Variants in BNC2 observed in about 807,000 individuals in gnomAD.
BNC2 encodes zinc finger protein basonuclin-2.
BNC2 carries 20 observed loss-of-function variants against 76.3 expected under a neutral mutation model. The ratio of observed to expected loss-of-function variants is 0.26; its 90% CI spans 0.18 to 0.38. BNC2 has a LOEUF of 0.38. Ranked by LOEUF, BNC2 falls within the 10% of genes least tolerant of loss-of-function variation. The pLI, the probability that BNC2 is intolerant of heterozygous loss-of-function variation, is 1.00. For synonymous variants in BNC2, 582 were observed against 514.8 expected, an observed-to-expected ratio of 1.13 and a Z score of -1.77; for missense variants, 1,382 against 1,399.8, an observed-to-expected ratio of 0.99 and a Z score of 0.20.
At position 16,411,754 on chromosome 9, in the gene BNC2, C is replaced by T. The variant is rs376758317; in HGVS notation, c.*7235G>A. 9 of 152,684 alleles carry T rather than the reference C, an allele frequency of 5.9e-5. No homozygotes were observed. Among genetic ancestry groups the T allele is most frequent in the South Asian group, 4.1e-4 (2 of 4,820 alleles). The allele number at this position is 152,684 out of a possible 1,614,324, so 9.5% of individuals were successfully genotyped here. A position where few individuals can be genotyped will look rare whatever the true frequency, so the allele number is the denominator to read the frequency against. On this transcript the variant is annotated 3_prime_UTR_variant, in exon 7 of 7. Transcript: ENST00000380672. ...GTCTATCCCTAAATCTGCTGCTGTT[C>T]TCTCCTTGCTAAAGTTCATATGGAA...
At chr9:16,700,059 T>C (rs1203719848) in intron 3 of BNC2, among the ~76,000 whole-genome samples, 3 of 152,206 alleles carry the variant, frequency 2.0e-5, no homozygotes, top group Non-Finnish European at 2.9e-5. Context: ...TATGCCTGTA[T>C]GATATGTATA....
At chr9:16,745,716 T>C (rs1824981022) in intron 1 of BNC2, among the ~76,000 whole-genome samples, 1 of 152,172 alleles carries the variant, frequency 6.6e-6, no homozygotes. Context: ...CTGATAAAAA[T>C]AACACTGAAT....
In BNC2 at chr9:16,641,152, C is replaced by T. The variant is rs542969127; in HGVS notation, c.331-58067G>A. On this transcript the variant is annotated intron_variant, in intron 3 of 6. Coordinates refer to ENST00000380672, the MANE Select transcript of BNC2 (RefSeq NM_017637.6). ...TGTAGAAATCATTACCAGAAAAGTT[C>T]ATTCTCAAAGAAAGACCACTGATTA... 2.2e-4 allele frequency among the ~76,000 whole-genome samples: 33 copies of T among 152,282 alleles called. 1 individual carries two copies. The highest frequency in any genetic ancestry group is 7.9e-4 in the African/African-American group (33 of 41,574).
chr9:16,776,373 C>A (rs1359164599), intron 1 of BNC2, among the ~76,000 whole-genome samples: 1 of 152,084 alleles, frequency 6.6e-6, no homozygotes, highest in Non-Finnish European at 1.5e-5. Flanking sequence ...CCTCTGAGCT[C>A]AGGCAAGCTG....
chr9:16,681,933 G>A (rs1055895267), intron 3 of BNC2, among the ~76,000 whole-genome samples: 9 of 151,914 alleles, frequency 5.9e-5, no homozygotes, highest in Admixed American at 2.0e-4. Context: ...TTGGGGGACC[G>A]GTGCGCTGGT....
At chr9:16,859,670 T>C (rs957571081) in intron 1 of BNC2, among the ~76,000 whole-genome samples, 7 of 152,156 alleles carry the variant, frequency 4.6e-5, no homozygotes, top group African/African-American at 1.7e-4. Flanking sequence ...CTCTTAGAAA[T>C]AGAAGCTAGA....
intron 1 of BNC2, among the ~76,000 whole-genome samples, chr9:16,794,501 C>T (rs1250251251): frequency 6.6e-6 from 1 of 152,144 alleles, no homozygotes; most frequent in Non-Finnish European, 1.5e-5. Flanking sequence ...CTCAATTATT[C>T]TAAAAGATCC....
intron 1 of BNC2, among the ~76,000 whole-genome samples, chr9:16,836,907 T>C (rs1261348581): frequency 6.6e-6 from 1 of 152,172 alleles, no homozygotes; most frequent in Non-Finnish European, 1.5e-5. Flanking sequence ...AGGCCACTTA[T>C]ATTAACAGTG....
chr9:16,711,170 G>T (rs76974599), intron 3 of BNC2, among the ~76,000 whole-genome samples: 9,668 of 152,098 alleles, frequency 0.064, 817 homozygotes, highest in African/African-American at 0.2. Context: ...AAAGAGAAAC[G>T]CAAGAGCAAA....
chr9:16,535,010 T>G (rs1282850256), intron 5 of BNC2, among the ~76,000 whole-genome samples: 1 of 152,178 alleles, frequency 6.6e-6, no homozygotes, highest in Non-Finnish European at 1.5e-5. Context: ...TGTAGATCTG[T>G]AGATAATAAA....
intron 5 of BNC2, among the ~76,000 whole-genome samples, chr9:16,529,555 T>A (rs1421547738): frequency 6.6e-6 from 1 of 152,224 alleles, no homozygotes; most frequent in Non-Finnish European, 1.5e-5. Flanking sequence ...TATTTTGACA[T>A]CTTCCCAAAT....
intron 3 of BNC2, among the ~76,000 whole-genome samples, chr9:16,689,794 G>C (rs1207541623): frequency 6.6e-6 from 1 of 152,104 alleles, no homozygotes; most frequent in Non-Finnish European, 1.5e-5. Flanking sequence ...GTTATACAAT[G>C]CCAAGCGGCA....
chr9:16,741,243 C>G (rs888639145), intron 1 of BNC2, among the ~76,000 whole-genome samples: 1 of 152,092 alleles, frequency 6.6e-6, no homozygotes, highest in Middle Eastern at 3.2e-3. Flanking sequence ...CACCTGAGGT[C>G]AGGAGTTCGA....
At chr9:16,678,269 T>C (rs947943834) in intron 3 of BNC2, among the ~76,000 whole-genome samples, 14 of 84,448 alleles carry the variant, frequency 1.7e-4, no homozygotes, top group South Asian at 5.3e-4. Context: ...TTCTTTTTCT[T>C]TTTTTTTTTT....
At chr9:16,742,092 T>C (rs888936306) in intron 1 of BNC2, among the ~76,000 whole-genome samples, 2 of 152,162 alleles carry the variant, frequency 1.3e-5, no homozygotes, top group Admixed American at 6.6e-5. Flanking sequence ...ACACTGAGAA[T>C]TGATTTTGGA....
At position 16,436,343 on chromosome 9, in the gene BNC2, C is replaced by T. The variant is rs773636277; in HGVS notation, c.1851G>A (p.Met617Ile). 8 of 1,614,110 alleles carry T rather than the reference C, an allele frequency of 5.0e-6. No homozygotes were observed. The Admixed American group carries it at 1.2e-4, about 24-fold the overall frequency. ...PPSEPVVPAVMMATHEPSADL... is the reference protein window; with the variant it reads ...PPSEPVVPAVIMATHEPSADL... ...CAGCACTGGGCTCATGGGTGGCCAT[C>T]ATCACTGCTGGCACTACTGGCTCAG... The change falls in exon 6 of 7, where the codon ATG becomes ATA. Residue 617 changes from methionine (M) to isoleucine (I), a missense_variant. By Grantham distance (10) the Met-to-Ile change is conservative. This residue lies in a region of BNC2 where 798 missense variants were observed against 775.5 expected (regional missense o/e 1.03). Coordinates refer to ENST00000380672, the MANE Select transcript of BNC2 (RefSeq NM_017637.6).
chr9:16,726,095 G>A (rs1824309531), intron 3 of BNC2, among the ~76,000 whole-genome samples: 1 of 152,078 alleles, frequency 6.6e-6, no homozygotes. Flanking sequence ...TGGTACTAAG[G>A]TTAGCGAAAA....
At chr9:16,455,491 T>C (rs1387262750) in intron 5 of BNC2, among the ~76,000 whole-genome samples, 4 of 152,186 alleles carry the variant, frequency 2.6e-5, no homozygotes, top group East Asian at 3.9e-4. Context: ...ATATGAAATG[T>C]ATTTTAAAAG....
intron 3 of BNC2, among the ~76,000 whole-genome samples, chr9:16,723,732 C>A (rs1209852583): frequency 6.6e-6 from 1 of 152,024 alleles, no homozygotes; most frequent in Non-Finnish European, 1.5e-5. Flanking sequence ...TGTCATATCT[C>A]TGGTGAGCAG....
Sources: allele counts gnomAD v4.1 joint callset (sites outside exome capture counted in the v4.1 genomes callset), GRCh38; gene constraint gnomAD v4.1.1; regional missense constraint gnomAD v4.1.1; transcripts MANE v1.5; gene names NCBI Gene and HGNC (gene_info 2026-07-23, HGNC 2026-07-21).